PROS1: variants seen among roughly 807,000 people sequenced by gnomAD.
PROS1 encodes the protein protein S.
PROS1 carries 29 observed loss-of-function variants against 75.9 expected under a neutral mutation model. The ratio of observed to expected loss-of-function variants is 0.38; its 90% CI spans 0.28 to 0.52. The LOEUF (loss-of-function observed/expected upper bound fraction) is 0.52, where lower values mean the gene tolerates loss of function less well. PROS1 is among the 20% of genes least tolerant of loss of function. PROS1 has a pLI of 0.83. For missense variants in PROS1, 680 were observed against 810.3 expected (o/e 0.84, Z 1.95); for synonymous variants, 245 against 280.6 (o/e 0.87, Z 1.27).
chr3:93,950,421 G>C (rs1014331594), intron 1 of PROS1, among the ~76,000 whole-genome samples: 1 of 152,186 alleles, frequency 6.6e-6, no homozygotes, highest in Non-Finnish European at 1.5e-5. Flanking sequence ...GCTTAACTGG[G>C]AGACATCTCC....
chr3:93,926,746 C>T (rs1709024635), intron 2 of PROS1, among the ~76,000 whole-genome samples: 1 of 152,266 alleles, frequency 6.6e-6, no homozygotes. Context: ...CACGTTAATA[C>T]TTCAGACATC....
chr3:93,940,377 T>C (rs1709264752), intron 1 of PROS1, among the ~76,000 whole-genome samples: 1 of 152,156 alleles, frequency 6.6e-6, no homozygotes. Flanking sequence ...TGTCACCTTC[T>C]TAATCAATAT....
At chr3:93,888,107 T>C (rs970386448) in intron 10 of PROS1, among the ~76,000 whole-genome samples, 3 of 152,238 alleles carry the variant, frequency 2.0e-5, no homozygotes, top group South Asian at 2.1e-4. Context: ...ACAAAATATT[T>C]GCTGCACTAT....
At chr3:93,948,960 T>A (rs138901090) in intron 1 of PROS1, among the ~76,000 whole-genome samples, 40 of 152,292 alleles carry the variant, frequency 2.6e-4, no homozygotes, top group African/African-American at 9.6e-4. Context: ...TTTCAGATAT[T>A]AAAAATGTGC....
At chr3:93,892,889 AC>A in intron 10 of PROS1, 43 bp downstream of exon 10, 2 of 1,564,770 alleles carry the variant, frequency 1.3e-6, no homozygotes, top group South Asian at 2.2e-5. Context: ...TTTTATACAG[AC>A]TGCATCAAAG....
intron 3 of PROS1, among the ~76,000 whole-genome samples, chr3:93,914,216 G>C (rs1230156196): frequency 6.6e-6 from 1 of 152,196 alleles, no homozygotes; most frequent in African/African-American, 2.4e-5. Flanking sequence ...GGCTCCACTA[G>C]GCATTGCCCT....
At chr3:93,945,912 C>T (rs1447434217) in intron 1 of PROS1, among the ~76,000 whole-genome samples, 1 of 152,104 alleles carries the variant, frequency 6.6e-6, no homozygotes, top group Non-Finnish European at 1.5e-5. Flanking sequence ...AGAAAACTCC[C>T]TCGTCTCAGC....
intron 1 of PROS1, among the ~76,000 whole-genome samples, chr3:93,945,914 C>T (rs1440747646): frequency 2.6e-5 from 4 of 152,140 alleles, no homozygotes; most frequent in African/African-American, 7.2e-5. Context: ...AAAACTCCCT[C>T]GTCTCAGCCC....
Position 93,900,871 on chromosome 3 carries a change from G to A in PROS1, c.660C>T (p.Ile220=). The A allele has an allele frequency of 6.2e-7, 1 of 1,613,974 alleles. No individual in the cohort carries two copies. ...SICGTAVCKN[I]PGDFECECPE... ...GGCATTCACATTCAAAATCTCCTGG[G>A]ATGTTCTTGCACACAGCTGTGCCAC... Residue 220 remains isoleucine (I), a synonymous_variant, in exon 7 of 15, where the codon ATC becomes ATT. Coordinates refer to ENST00000394236, the MANE Select transcript of PROS1 (RefSeq NM_000313.4).
At chr3:93,953,932 AACAG>A (rs1179710210) in intron 1 of PROS1, among the ~76,000 whole-genome samples, 2 of 152,000 alleles carry the variant, frequency 1.3e-5, no homozygotes, top group Non-Finnish European at 2.9e-5. Context: ...ATATACCAAT[AACAG>A]ACAGAGAGCC....
At chr3:93,901,670 C>CT (rs573497730) in intron 6 of PROS1, among the ~76,000 whole-genome samples, 1 of 152,094 alleles carries the variant, frequency 6.6e-6, no homozygotes, top group African/African-American at 2.4e-5. Flanking sequence ...AAGTTGACAG[C>CT]TTTTTTTCCA....
At chr3:93,897,950 A>T (rs1708527750) in intron 8 of PROS1, among the ~76,000 whole-genome samples, 1 of 152,018 alleles carries the variant, frequency 6.6e-6, no homozygotes, top group African/African-American at 2.4e-5. Flanking sequence ...AACCCCACTA[A>T]ATCCTAGAAA....
intron 1 of PROS1, among the ~76,000 whole-genome samples, chr3:93,932,254 T>C (rs1314095234): frequency 1.3e-5 from 2 of 152,234 alleles, no homozygotes; most frequent in Admixed American, 1.3e-4. Context: ...AGATTAAAAT[T>C]TTCCGTTTTA....
chr3:93,888,477 A>C (rs1393713911), intron 10 of PROS1, among the ~76,000 whole-genome samples: 1 of 152,166 alleles, frequency 6.6e-6, no homozygotes, highest in East Asian at 1.9e-4. Context: ...GGTATATGTG[A>C]AGGTAGTTTA....
At chr3:93,967,868 T>C (rs1576221816) in intron 1 of PROS1, 1 of 152,220 alleles carries the variant, frequency 6.6e-6, no homozygotes, top group East Asian at 1.9e-4. Flanking sequence ...CTCCAGCCCA[T>C]GCAACAGAAT....
At chr3:93,936,747 T>A (rs1369690746) in intron 1 of PROS1, among the ~76,000 whole-genome samples, 2 of 152,220 alleles carry the variant, frequency 1.3e-5, no homozygotes, top group Non-Finnish European at 2.9e-5. Flanking sequence ...ACAAGGCAAG[T>A]TAGTCATGGA....
intron 1 of PROS1, among the ~76,000 whole-genome samples, chr3:93,942,108 T>C (rs957711951): frequency 6.6e-6 from 1 of 152,160 alleles, no homozygotes. Flanking sequence ...ACTTGGTTTA[T>C]CGATGGCAGT....
At chr3:93,961,979 A>C (rs1388226610) in intron 1 of PROS1, among the ~76,000 whole-genome samples, 2 of 152,154 alleles carry the variant, frequency 1.3e-5, no homozygotes, top group Admixed American at 6.5e-5. Flanking sequence ...ACTCTCCCCC[A>C]ATATAGAAGA....
At chr3:93,945,187 C>T (rs993307822) in intron 1 of PROS1, among the ~76,000 whole-genome samples, 3 of 152,088 alleles carry the variant, frequency 2.0e-5, no homozygotes, top group Non-Finnish European at 4.4e-5. Flanking sequence ...AAAAAAAAGT[C>T]CAGGACCAGA....
Sources: gnomAD v4.1 joint callset for allele counts (sites outside exome capture counted in the v4.1 genomes callset) on GRCh38, gnomAD v4.1.1 for gene constraint, MANE v1.5 for transcripts, NCBI Gene and HGNC (gene_info 2026-07-23, HGNC 2026-07-21) for gene names.